The following ADAM17 variants were observed in gnomAD, a reference collection of about 807,000 sequenced individuals.
The protein encoded by ADAM17 is disintegrin and metalloproteinase domain-containing protein 17.
In ADAM17, 39 loss-of-function variants were observed where a neutral mutation model predicts 96.7. The ratio of observed to expected loss-of-function variants is 0.40; its 90% CI spans 0.31 to 0.53. The LOEUF (loss-of-function observed/expected upper bound fraction) is 0.53, where lower values mean the gene tolerates loss of function less well. Among genes scored for constraint, ADAM17 ranks in the 20% least tolerant of loss-of-function variants. ADAM17 has a pLI of 0.44. For missense variants in ADAM17, 777 were observed against 1,013.2 expected (o/e 0.77, Z 3.17); for synonymous variants, 344 against 359.2 (o/e 0.96, Z 0.48).
At chr2:9,500,675 A>C (rs978743576) in intron 13 of ADAM17, among the ~76,000 whole-genome samples, 6 of 152,246 alleles carry the variant, frequency 3.9e-5, no homozygotes, top group African/African-American at 1.4e-4. Context: ...CTAGAATAGC[A>C]AACTGAATAT....
Position 9,497,212 on chromosome 2 carries a change from T to C in ADAM17, c.1685A>G (p.Glu562Gly), listed in dbSNP as rs750249923. 1.5e-5 allele frequency: 24 copies of C among 1,614,236 alleles called. No individual in the cohort carries two copies. In the South Asian group the frequency reaches 2.6e-4, roughly 18 times the overall value. The stretch of plus-strand genomic sequence containing the variant: ...AAGATCCAAGCAAACAGTGTCATCT[T>C]CAGCATTTCCTGGAGGCGGGCACTC... ...SSECPPPGNAEDDTVCLDLGK... is the reference protein window; with the variant it reads ...SSECPPPGNAGDDTVCLDLGK... Residue 562 changes from glutamate to glycine, a missense_variant, in exon 14 of 19, where the codon GAA (glutamate) becomes GGA (glycine). Glu to Gly is a moderately conservative substitution (Grantham distance 98). Around this residue, in one of 3 missense-constraint regions of ADAM17, gnomAD observed 446 missense variants for 664.7 expected, o/e 0.67. Coordinates refer to ENST00000310823, the MANE Select transcript of ADAM17 (RefSeq NM_003183.6).
chr2:9,531,193 A>G (rs1266598283), intron 4 of ADAM17, among the ~76,000 whole-genome samples: 1 of 151,944 alleles, frequency 6.6e-6, no homozygotes, highest in East Asian at 2.0e-4. Flanking sequence ...CCTGGCCTGA[A>G]GTGATCCACC....
At chr2:9,495,434 C>T (rs903769051) in intron 14 of ADAM17, among the ~76,000 whole-genome samples, 11 of 152,156 alleles carry the variant, frequency 7.2e-5, no homozygotes, top group East Asian at 1.9e-4. Context: ...CAGAAAAGGC[C>T]GGGAGCAGTG....
At chr2:9,538,898 T>G (rs1274252789) in intron 2 of ADAM17, among the ~76,000 whole-genome samples, 1 of 152,222 alleles carries the variant, frequency 6.6e-6, no homozygotes, top group Admixed American at 6.5e-5. Flanking sequence ...TGAATTAACA[T>G]TATTACCCTA....
intron 10 of ADAM17, among the ~76,000 whole-genome samples, chr2:9,514,171 T>C (rs970294818): frequency 6.6e-6 from 1 of 151,850 alleles, no homozygotes; most frequent in Non-Finnish European, 1.5e-5. Flanking sequence ...TGGAATACTA[T>C]GCAGCCATAA....
intron 1 of ADAM17, 88 bp downstream of exon 1, chr2:9,555,421 C>T: frequency 8.4e-7 from 1 of 1,190,302 alleles, no homozygotes; most frequent in Non-Finnish European, 1.1e-6. Context: ...TACCCCGCCC[C>T]CAAACACCTG....
At chr2:9,528,907 A>G (rs926592765) in intron 4 of ADAM17, among the ~76,000 whole-genome samples, 1 of 152,240 alleles carries the variant, frequency 6.6e-6, no homozygotes, top group African/African-American at 2.4e-5. Context: ...TCAAAGGTTA[A>G]AAGTAGAAGT....
intron 11 of ADAM17, among the ~76,000 whole-genome samples, chr2:9,509,682 G>T (rs1663622989): frequency 6.6e-6 from 1 of 152,062 alleles, no homozygotes; most frequent in South Asian, 2.1e-4. Context: ...TAAAGCCTGA[G>T]CCCACCAGAC....
intron 6 of ADAM17, 78 bp downstream of exon 6, chr2:9,526,033 T>A: frequency 7.5e-7 from 1 of 1,341,862 alleles, no homozygotes. Context: ...CTGGAACAGA[T>A]CTGGTTGCAT....
chr2:9,530,280 GT>G (rs1664686033), intron 4 of ADAM17, among the ~76,000 whole-genome samples: 1 of 152,092 alleles, frequency 6.6e-6, no homozygotes, highest in African/African-American at 2.4e-5. Context: ...CACATTGATT[GT>G]TTCCTAGTAT....
chr2:9,505,448 C>A (rs1262856115), intron 11 of ADAM17, 83 bp from the exon 12 acceptor site: 1 of 1,404,074 alleles, frequency 7.1e-7, no homozygotes, highest in Non-Finnish European at 9.9e-7. Flanking sequence ...TCTCTAGAGA[C>A]AAACTCTTAA....
chr2:9,542,249 T>C (rs926996801), intron 2 of ADAM17, among the ~76,000 whole-genome samples: 8 of 150,812 alleles, frequency 5.3e-5, no homozygotes, highest in Non-Finnish European at 7.4e-5. Context: ...AGAAAGAATA[T>C]TAAATTTGGG....
chr2:9,512,089 G>T (rs1663774496), intron 10 of ADAM17, among the ~76,000 whole-genome samples: 1 of 151,870 alleles, frequency 6.6e-6, no homozygotes, highest in African/African-American at 2.4e-5. Context: ...ATAATATTTT[G>T]CAAGTCATTT....
intron 2 of ADAM17, among the ~76,000 whole-genome samples, chr2:9,539,454 G>A (rs1161487652): frequency 6.6e-6 from 1 of 152,142 alleles, no homozygotes; most frequent in Non-Finnish European, 1.5e-5. Flanking sequence ...AATGAAACTT[G>A]TAAGGCAAAT....
chr2:9,525,983 G>A (rs1572937085), intron 6 of ADAM17, 128 bp downstream of exon 6: 1 of 990,460 alleles, frequency 1.0e-6, no homozygotes, highest in East Asian at 2.6e-5. Context: ...AAAAACCTCA[G>A]AGAATATCCC....
intron 1 of ADAM17, among the ~76,000 whole-genome samples, chr2:9,545,821 C>T (rs62119379): frequency 6.6e-6 from 1 of 151,744 alleles, no homozygotes; most frequent in African/African-American, 2.4e-5. Context: ...GGGCTGAGGG[C>T]GGTGGCTCGC....
chr2:9,545,841 C>A (rs1665387046), intron 1 of ADAM17, among the ~76,000 whole-genome samples: 1 of 152,054 alleles, frequency 6.6e-6, no homozygotes. Context: ...CTCCTGTAAT[C>A]CCAGCACTTT....
At chr2:9,550,903 C>CAAAAAA (rs33972062) in intron 1 of ADAM17, among the ~76,000 whole-genome samples, 43 of 97,846 alleles carry the variant, frequency 4.4e-4, no homozygotes, top group African/African-American at 1.1e-3. Context: ...ACTAAAAATA[C>CAAAAAA]AAAAAAAAAA....
At chr2:9,524,126 A>G (rs1664424430) in intron 6 of ADAM17, among the ~76,000 whole-genome samples, 1 of 151,800 alleles carries the variant, frequency 6.6e-6, no homozygotes, top group Non-Finnish European at 1.5e-5. Context: ...TACATATTTT[A>G]AAAATGTGTT....
Sources: allele counts gnomAD v4.1 joint callset (sites outside exome capture counted in the v4.1 genomes callset), GRCh38; gene constraint gnomAD v4.1.1; regional missense constraint gnomAD v4.1.1; transcripts MANE v1.5; gene names NCBI Gene and HGNC (gene_info 2026-07-23, HGNC 2026-07-21).